The following EXD3 variants were observed in gnomAD, a reference collection of about 807,000 sequenced individuals.
The protein encoded by EXD3 is exonuclease mut-7 homolog.
A neutral mutation model predicts 98.0 loss-of-function variants in EXD3; 92 were observed. The observed-to-expected ratio is 0.94, with a 90% CI of 0.79 to 1.12. The LOEUF (loss-of-function observed/expected upper bound fraction) is 1.12, where lower values mean the gene tolerates loss of function less well. Among genes scored for constraint, EXD3 ranks in the 50% most tolerant of loss-of-function variants. EXD3 has a pLI of 0.00. For missense variants in EXD3, 1,222 were observed against 1,191.6 expected (o/e 1.03, Z -0.38); for synonymous variants, 569 against 526.0 (o/e 1.08, Z -1.12).
At chr9:137,307,490 G>A (rs1831107204) in intron 21 of EXD3, 118 bp downstream of exon 21, 3 of 1,380,474 alleles carry the variant, frequency 2.2e-6, no homozygotes. Flanking sequence ...AGGGCCTACA[G>A]GAGCCCCACA....
Position 137,395,069 on chromosome 9 carries a change from C to T in EXD3, c.55+234G>A, listed in dbSNP as rs775456118. Among the ~76,000 whole-genome samples, 6 of 152,108 alleles carry T rather than the reference C, an allele frequency of 3.9e-5. No homozygotes were observed. Among genetic ancestry groups the T allele is most frequent in the Admixed American group, 6.5e-5 (1 of 15,278 alleles). ...CACAGGCCCGGCGCCAGGCCACCCA[C>T]GCTGGGGCCCAAGGAGGCGGCCTGT... On this transcript the variant is annotated intron_variant, in intron 2 of 21. Coordinates refer to ENST00000340951, the MANE Select transcript of EXD3 (RefSeq NM_017820.5). The surrounding 1 kb of genome is among the most constrained non-coding windows in gnomAD (Gnocchi z 6.5).
At chr9:137,410,923 C>T (rs1336635420) in intron 1 of EXD3, among the ~76,000 whole-genome samples, 1 of 151,810 alleles carries the variant, frequency 6.6e-6, no homozygotes, top group African/African-American at 2.4e-5. Context: ...TCCCACAGAG[C>T]CTGGCAGACC....
In EXD3 at chr9:137,315,945, A is replaced by C. The variant is rs1246479176; in HGVS notation, c.2185-6245T>G. Among the ~76,000 whole-genome samples, 9 of 140,508 alleles carry C rather than the reference A, an allele frequency of 6.4e-5. No individual in the cohort carries two copies. The Middle Eastern group carries it at 0.012, about 183-fold the overall frequency. The allele number at this position is 140,508 out of a possible 152,430, so 92.2% of individuals were successfully genotyped here. On this transcript the variant is annotated intron_variant, in intron 19 of 21. Coordinates refer to ENST00000340951, the MANE Select transcript of EXD3 (RefSeq NM_017820.5). ...GGCGCCCCCACACCGTCCCCATCCC[A>C]GGGGATGGCAGCTCCCCCCTCCCCC...
chr9:137,368,888 C>A (rs565780992), intron 5 of EXD3, among the ~76,000 whole-genome samples: 3 of 134,680 alleles, frequency 2.2e-5, no homozygotes, highest in African/African-American at 5.6e-5. Context: ...GGCGAAGGTC[C>A]GGGGCGGGGC....
chr9:137,326,731 A>G (rs541552400), intron 17 of EXD3, among the ~76,000 whole-genome samples: 14 of 152,318 alleles, frequency 9.2e-5, no homozygotes, highest in African/African-American at 3.1e-4. Flanking sequence ...GATAAACTGA[A>G]CTCTCATGCG....
chr9:137,394,217 G>A (rs1412367785), intron 2 of EXD3, among the ~76,000 whole-genome samples: 12 of 70,646 alleles, frequency 1.7e-4, no homozygotes, highest in East Asian at 3.1e-4. Context: ...CCCTAACCCC[G>A]GCCTCCCAGC....
intron 19 of EXD3, among the ~76,000 whole-genome samples, chr9:137,321,022 CG>C (rs1219692588): frequency 6.6e-6 from 1 of 152,200 alleles, no homozygotes; most frequent in Non-Finnish European, 1.5e-5. Context: ...GCAGAGGCCG[CG>C]GTCCCCGCAG....
At position 137,361,722 on chromosome 9, in the gene EXD3, G is replaced by A. The variant is rs1301366965; in HGVS notation, c.656+4771C>T. 2.8e-5 allele frequency among the ~76,000 whole-genome samples: 4 copies of A among 140,688 alleles called. No individual in the cohort carries two copies. The East Asian group carries it at 9.1e-4, about 32-fold the overall frequency. 92.3% of individuals were successfully genotyped at this position (140,688 alleles called of 152,430 possible). A position where few individuals can be genotyped will look rare whatever the true frequency, so the allele number is the denominator to read the frequency against. On this transcript the variant is annotated intron_variant, in intron 7 of 21. Transcript: ENST00000340951. ...GATCGCGCCACTGCACTCTAGCCTG[G>A]GCGACAGGGCGAGACTCTGTCTTAA... is the stretch of plus-strand genomic sequence containing the variant.
At chr9:137,353,343 T>A in intron 10 of EXD3, 7 of 985,192 alleles carry the variant, frequency 7.1e-6, no homozygotes, top group Non-Finnish European at 7.2e-6. Context: ...CCACCCCGGG[T>A]CCCAGGAGCC....
rs940587649 is a variant in EXD3 at position 137,324,943 on chromosome 9, C to T, written c.1999-800G>A. Among the ~76,000 whole-genome samples, 12 of 152,152 alleles carry T rather than the reference C, an allele frequency of 7.9e-5. No individual in the cohort carries two copies. Among genetic ancestry groups the T allele is most frequent in the African/African-American group, 9.7e-5 (4 of 41,432 alleles). On this transcript the variant is annotated intron_variant, in intron 17 of 21. Coordinates refer to ENST00000340951, the MANE Select transcript of EXD3 (RefSeq NM_017820.5). The surrounding 1 kb of genome is among the most constrained non-coding windows in gnomAD (Gnocchi z 4.1). Reference sequence around the variant, plus strand: ...TCCTGACCTCGTGATCTGCCCGCCTCGGCCTCCCAAAGTGCTGGGATTACA... The same window carrying T: ...TCCTGACCTCGTGATCTGCCCGCCTTGGCCTCCCAAAGTGCTGGGATTACA...
At chr9:137,416,922 G>A (rs779727765) in intron 1 of EXD3, among the ~76,000 whole-genome samples, 41 of 152,348 alleles carry the variant, frequency 2.7e-4, no homozygotes, top group Non-Finnish European at 5.3e-4. Context: ...GCCGTCAGGA[G>A]GCCAGGAAGC....
rs1270242305 is a variant in EXD3 at position 137,330,266 on chromosome 9, GCTACACAGGAA to G, written c.1999-6134_1999-6124del. On this transcript the variant is annotated intron_variant, in intron 17 of 21. Transcript: ENST00000340951. ...AGGAGCTACACAGGGCTCCACAGGA[GCTACACAGGAA>G]CTACACAGGAACTACACAGGAGCTA... Among the ~76,000 whole-genome samples the G allele has an allele frequency of 1.1e-4, 14 of 133,046 alleles. 1 individual carries two copies. The highest frequency in any genetic ancestry group is 1.0e-3 in the South Asian group (4 of 3,818). The allele number at this position is 133,046 out of a possible 152,430, so 87.3% of individuals were successfully genotyped here. A position where few individuals can be genotyped will look rare whatever the true frequency, so the allele number is the denominator to read the frequency against.
chr9:137,337,775 TA>T lies in EXD3; in HGVS notation c.1998+10295del, dbSNP rs959417447. Among the ~76,000 whole-genome samples the T allele has an allele frequency of 3.2e-4, 48 of 151,702 alleles. 1 individual carries two copies. Among genetic ancestry groups the T allele is most frequent in the African/African-American group, 1.2e-3 (48 of 41,374 alleles). On this transcript the variant is annotated intron_variant, in intron 17 of 21. Transcript: ENST00000340951. ...AGAGATGAGCATGACTGGAAGGGAA[TA>T]CCATGTATCTTTTTTTTGTTTTGTT... is the stretch of plus-strand genomic sequence containing the variant.
At chr9:137,404,371 G>A (rs1019944001) in intron 1 of EXD3, among the ~76,000 whole-genome samples, 5 of 152,198 alleles carry the variant, frequency 3.3e-5, no homozygotes, top group African/African-American at 1.2e-4. Flanking sequence ...CTTCATGAAA[G>A]AGGCGTGCCC....
At position 137,372,770 on chromosome 9, in the gene EXD3, C is replaced by G; in HGVS notation, c.462+135G>C. 5 of 918,540 alleles carry G rather than the reference C, an allele frequency of 5.4e-6. No individual in the cohort carries two copies. In the South Asian group the frequency reaches 8.5e-5, roughly 16 times the overall value. 56.9% of individuals were successfully genotyped at this position (918,540 alleles called of 1,614,324 possible). A position where few individuals can be genotyped will look rare whatever the true frequency, so the allele number is the denominator to read the frequency against. On this transcript the variant is annotated intron_variant, in intron 5 of 21. Coordinates refer to ENST00000340951, the MANE Select transcript of EXD3 (RefSeq NM_017820.5). ...CACACAGCTGATGGCTGCCCACGGC[C>G]GGGTCCTTGATACCTCCATGTAGAC...
chr9:137,307,097 G>A lies in EXD3; in HGVS notation c.2484C>T (p.Cys828=), dbSNP rs1346019585. The A allele has an allele frequency of 6.2e-7, 1 of 1,610,046 alleles. No homozygotes were observed. The highest frequency in any genetic ancestry group is 1.3e-5 in the African/African-American group (1 of 74,968). Residue 828 remains cysteine (C), a synonymous_variant, in exon 22 of 22, where the codon TGC becomes TGT. Transcript: ENST00000340951. The stretch of plus-strand genomic sequence containing the variant: ...TTCCACAGCCCGTGCAGCAGTAGAA[G>A]CACCGCAGCCCAGGTGTCCTCAGCA... ...VGVLRTPGLR[C]FYCCTGCGKV...
At chr9:137,392,520 A>G (rs1347121889) in intron 2 of EXD3, 1 of 198,288 alleles carries the variant, frequency 5.0e-6, no homozygotes, top group South Asian at 9.2e-5. Context: ...AAGCTGACCC[A>G]GAGCCTGAGT....
chr9:137,397,223 C>T (rs1837261192), intron 1 of EXD3, among the ~76,000 whole-genome samples: 1 of 152,206 alleles, frequency 6.6e-6, no homozygotes, highest in South Asian at 2.1e-4. Flanking sequence ...GCTCCAGAGC[C>T]TCTCGCCAGA....
rs1564482483 is a variant in EXD3 at position 137,330,624 on chromosome 9, A to ACACAGGACTACACAGGAG, written c.1999-6482_1999-6481insCTCCTGTGTAGTCCTGTG. Among the ~76,000 whole-genome samples the ACACAGGACTACACAGGAG allele has an allele frequency of 5.4e-5, 6 of 111,248 alleles. 1 individual carries two copies. The East Asian group carries it at 1.1e-3, about 21-fold the overall frequency. 73.0% of individuals were successfully genotyped at this position (111,248 alleles called of 152,430 possible). On this transcript the variant is annotated intron_variant, in intron 17 of 21. Transcript: ENST00000340951. ...CAGGACTACACAGGACTACACAGGA[A>ACACAGGACTACACAGGAG]CTACACAGGACTACACAGGAGCTAC...
Sources: allele counts gnomAD v4.1 joint callset (sites outside exome capture counted in the v4.1 genomes callset), GRCh38; gene constraint gnomAD v4.1.1; non-coding constraint Gnocchi (gnomAD v3.1); transcripts MANE v1.5; gene names NCBI Gene and HGNC (gene_info 2026-07-23, HGNC 2026-07-21).